The following MED15 variants were observed in gnomAD, a reference collection of about 807,000 sequenced individuals.
MED15 encodes mediator complex subunit 15.
MED15 carries 41 observed loss-of-function variants against 118.7 expected under a neutral mutation model. The observed-to-expected ratio is 0.35, with a 90% CI of 0.27 to 0.45. The LOEUF is 0.45. Among genes scored for constraint, MED15 ranks in the 20% least tolerant of loss-of-function variants. The probability of loss-of-function intolerance (pLI) is 1.00; values close to 1 mark genes in which losing one functional copy is unlikely to be tolerated. For synonymous variants in MED15, 436 were observed against 413.9 expected (o/e 1.05, Z -0.65); for missense variants, 740 against 1,025.5 (o/e 0.72, Z 3.80).
intron 5 of MED15, among the ~76,000 whole-genome samples, chr22:20,561,617 AAGAT>A (rs1296013226): frequency 1.3e-5 from 2 of 152,208 alleles, no homozygotes; most frequent in Non-Finnish European, 2.9e-5. Flanking sequence ...TTTCTGCTGA[AAGAT>A]AGGAAATGTG....
intron 16 of MED15, 178 bp downstream of exon 16, chr22:20,585,445 G>C: frequency 2.3e-6 from 2 of 860,896 alleles, no homozygotes; most frequent in Non-Finnish European, 3.5e-6. Context: ...CCATGCCTCA[G>C]TCCCCACTGC....
At chr22:20,514,021 G>A (rs2054169498) in intron 1 of MED15, among the ~76,000 whole-genome samples, 1 of 152,034 alleles carries the variant, frequency 6.6e-6, no homozygotes. Context: ...CATGCCACCA[G>A]GCCCAGCTAA....
At chr22:20,543,167 T>C (rs1269603208) in intron 2 of MED15, among the ~76,000 whole-genome samples, 1 of 148,712 alleles carries the variant, frequency 6.7e-6, no homozygotes, top group African/African-American at 2.5e-5. Context: ...TTAAAATTCT[T>C]TTTATTGTAC....
chr22:20,523,571 C>T (rs1435725589), intron 1 of MED15: 8 of 817,612 alleles, frequency 9.8e-6, no homozygotes, highest in Non-Finnish European at 1.2e-5. Context: ...AAAGATCGAG[C>T]TTCCCCACCC....
At chr22:20,532,144 G>C (rs1271280658) in intron 1 of MED15, among the ~76,000 whole-genome samples, 2 of 152,218 alleles carry the variant, frequency 1.3e-5, no homozygotes, top group Non-Finnish European at 2.9e-5. Flanking sequence ...GCGAGGGCGT[G>C]GGGGTAGGAA....
At chr22:20,540,675 T>C (rs1386296802) in intron 2 of MED15, among the ~76,000 whole-genome samples, 1 of 152,184 alleles carries the variant, frequency 6.6e-6, no homozygotes, top group East Asian at 1.9e-4. Flanking sequence ...TACATCTTCA[T>C]GACCTTGGAT....
chr22:20,533,606 G>GC (rs2054939370), intron 1 of MED15, among the ~76,000 whole-genome samples: 1 of 152,108 alleles, frequency 6.6e-6, no homozygotes, highest in Admixed American at 6.6e-5. Flanking sequence ...TTGCTCCTTG[G>GC]CCCCACTCTG....
chr22:20,525,233 G>A (rs1476383178), intron 1 of MED15, among the ~76,000 whole-genome samples: 1 of 152,132 alleles, frequency 6.6e-6, no homozygotes, highest in Non-Finnish European at 1.5e-5. Flanking sequence ...GGAGGCTGCA[G>A]TGAGCTGATT....
intron 2 of MED15, among the ~76,000 whole-genome samples, chr22:20,548,442 G>A (rs2055639876): frequency 2.6e-5 from 4 of 152,152 alleles, no homozygotes. Context: ...TGGGATTACA[G>A]GTGTGAGCCA....
intron 4 of MED15, 63 bp from the exon 5 acceptor site, chr22:20,554,873 C>G (rs1227145138): frequency 6.7e-7 from 1 of 1,490,472 alleles, no homozygotes; most frequent in African/African-American, 1.4e-5. Flanking sequence ...GCCTTACGCC[C>G]TTTGAGCCAT....
chr22:20,527,450 A>G (rs969557514), intron 1 of MED15, among the ~76,000 whole-genome samples: 1 of 147,712 alleles, frequency 6.8e-6, no homozygotes, highest in Non-Finnish European at 1.5e-5. Flanking sequence ...AATAAATTCT[A>G]CCGTTTTTTT....
At chr22:20,563,227 C>T (rs760420540) in intron 5 of MED15, among the ~76,000 whole-genome samples, 1 of 152,136 alleles carries the variant, frequency 6.6e-6, no homozygotes, top group Non-Finnish European at 1.5e-5. Context: ...ATGAAAACCT[C>T]GCATAAAAAC....
chr22:20,556,317 T>C (rs1050438413), intron 5 of MED15, among the ~76,000 whole-genome samples: 1 of 151,926 alleles, frequency 6.6e-6, no homozygotes, highest in South Asian at 2.1e-4. Flanking sequence ...TTTTTTTTTT[T>C]TGAGACAGAG....
At chr22:20,581,380 C>T (rs2056976517) in intron 9 of MED15, among the ~76,000 whole-genome samples, 1 of 152,176 alleles carries the variant, frequency 6.6e-6, no homozygotes, top group Admixed American at 6.5e-5. Context: ...GCTGTCCTAT[C>T]CCAGTACTCA....
rs564974292 is a variant in MED15 at position 20,575,815 on chromosome 22, T to C, written c.1272+583T>C. ...ACTAAAATTAAATAAAATGAAAAAA[T>C]GCAGTTCTTCAGTCGCACCAAATAA... is the stretch of plus-strand genomic sequence containing the variant. On this transcript the variant is annotated intron_variant, in intron 9 of 17. Coordinates refer to ENST00000263205, the MANE Select transcript of MED15 (RefSeq NM_001003891.3). Among the ~76,000 whole-genome samples, 5 of 150,490 alleles carry C rather than the reference T, an allele frequency of 3.3e-5. No homozygotes were observed. The South Asian group carries it at 1.0e-3, about 31-fold the overall frequency.
At chr22:20,585,920 G>C in intron 17 of MED15, 94 bp downstream of exon 17, 1 of 1,213,158 alleles carries the variant, frequency 8.2e-7, no homozygotes, top group Non-Finnish European at 1.2e-6. Context: ...CAGCCTCTGT[G>C]TGCTCCTGCC....
chr22:20,575,908 C>T (rs530729863), intron 9 of MED15, among the ~76,000 whole-genome samples: 13 of 152,274 alleles, frequency 8.5e-5, no homozygotes, highest in Non-Finnish European at 1.6e-4. Flanking sequence ...GACTCCAGAA[C>T]GTGGCCAATG....
intron 6 of MED15, among the ~76,000 whole-genome samples, chr22:20,565,225 G>A (rs375863248): frequency 3.9e-5 from 6 of 152,250 alleles, no homozygotes; most frequent in African/African-American, 1.4e-4. Flanking sequence ...TTCCATTTGG[G>A]CTTGGGCATC....
Position 20,507,657 on chromosome 22 carries a change from C to T in MED15, c.-22C>T, listed in dbSNP as rs1317038689. ...CGGTGGCGGCCAAGCGGGATACGGG[C>T]GGCGGGAGCTGGGGAACAGGCATGG... On this transcript the variant is annotated 5_prime_UTR_variant, in exon 1 of 18. Coordinates refer to ENST00000263205, the MANE Select transcript of MED15 (RefSeq NM_001003891.3). 1.2e-6 allele frequency: 2 copies of T among 1,613,764 alleles called. No homozygotes were observed. The highest frequency in any genetic ancestry group is 1.7e-6 in the Non-Finnish European group (2 of 1,179,780).
Sources: gnomAD v4.1 joint callset for allele counts (sites outside exome capture counted in the v4.1 genomes callset) on GRCh38, gnomAD v4.1.1 for gene constraint, MANE v1.5 for transcripts, NCBI Gene and HGNC (gene_info 2026-07-23, HGNC 2026-07-21) for gene names.